OR2T11: variants seen among roughly 807,000 people sequenced by gnomAD.
The protein encoded by OR2T11 is olfactory receptor 2T11.
A neutral mutation model predicts 13.5 loss-of-function variants in OR2T11; 14 were observed. The observed-to-expected ratio is 1.04, with a 90% CI of 0.69 to 1.62. The LOEUF is 1.62. Ranked by LOEUF, OR2T11 falls within the 40% of genes most tolerant of loss-of-function variation. The pLI, the probability that OR2T11 is intolerant of heterozygous loss-of-function variation, is 0.00. For synonymous variants in OR2T11, 163 were observed against 154.6 expected (o/e 1.05, Z -0.40); for missense variants, 410 against 389.7 (o/e 1.05, Z -0.44).
intron 1 of OR2T11, among the ~76,000 whole-genome samples, chr1:248,633,858 C>T (rs1337658210): frequency 6.9e-6 from 1 of 143,942 alleles, no homozygotes; most frequent in Admixed American, 6.8e-5. Context: ...GACTTACCTC[C>T]TGTTTGCTTC....
In OR2T11 at chr1:248,627,198, G is replaced by GT; in HGVS notation, c.-71dup. The GT allele has an allele frequency of 1.1e-6, 1 of 902,432 alleles. No homozygotes were observed. The highest frequency in any genetic ancestry group is 2.0e-5 in the Admixed American group (1 of 49,472). The allele number at this position is 902,432 out of a possible 1,614,324, so 55.9% of individuals were successfully genotyped here. On this transcript the variant is annotated 5_prime_UTR_variant, in exon 2 of 2. Coordinates refer to ENST00000641193, the MANE Select transcript of OR2T11 (RefSeq NM_001001964.2). Reference sequence around the variant, plus strand: ...ACCAGGAAGGAGGCAAGAGAACACGGTCAAGATGGGAAAGGTCTGCAGTAG... The same window carrying GT: ...ACCAGGAAGGAGGCAAGAGAACACGGTTCAAGATGGGAAAGGTCTGCAGTAG...
chr1:248,631,165 ATAT>A (rs1660607713), intron 1 of OR2T11, among the ~76,000 whole-genome samples: 2 of 143,630 alleles, frequency 1.4e-5, no homozygotes, highest in South Asian at 4.4e-4. Context: ...CCAGGCTGTG[ATAT>A]TATGAACTTT....
chr1:248,631,295 G>A (rs2103103448), intron 1 of OR2T11, among the ~76,000 whole-genome samples: 1 of 143,674 alleles, frequency 7.0e-6, no homozygotes, highest in African/African-American at 2.7e-5. Context: ...CACTTGTGTA[G>A]TGCTTCTTGC....
chr1:248,633,735 G>A (rs1660646590), intron 1 of OR2T11, among the ~76,000 whole-genome samples: 1 of 142,612 alleles, frequency 7.0e-6, no homozygotes, highest in African/African-American at 2.8e-5. Context: ...GGAAATCCAG[G>A]GAAAGAACAA....
intron 1 of OR2T11, 91 bp from the exon 2 acceptor site, chr1:248,627,363 G>A (rs1340817785): frequency 2.2e-5 from 11 of 502,692 alleles, no homozygotes; most frequent in East Asian, 3.4e-5. Context: ...TCTATATTGC[G>A]TCTATGGTTC....
rs369150666 is a variant in OR2T11 at position 248,626,317 on chromosome 1, A to G, written c.812T>C (p.Val271Ala). 3.2e-6 allele frequency: 5 copies of G among 1,572,004 alleles called. 1 individual carries two copies. The African/African-American group carries it at 7.5e-5, about 23-fold the overall frequency. Residue 271 changes from valine (V) to alanine (A), a missense_variant, in exon 2 of 2, where the codon GTG (valine) becomes GCG (alanine). By Grantham distance (64) the Val-to-Ala change is moderately conservative. Transcript: ENST00000641193. ...SFHTPEQDKV[V>A]SAFYTIVTPM... ...CGTGACAATGGTATAGAAGGCTGAC[A>G]CTACTTTGTCCTGCTCGGGGGTGTG...
In OR2T11 at chr1:248,626,128, G is replaced by A; in HGVS notation, c.*50C>T. 1 of 1,024,766 alleles carries A rather than the reference G, an allele frequency of 9.8e-7. No homozygotes were observed. Among genetic ancestry groups the A allele is most frequent in the Non-Finnish European group, 1.5e-6 (1 of 674,888 alleles). 63.5% of individuals were successfully genotyped at this position (1,024,766 alleles called of 1,614,324 possible). The stretch of plus-strand genomic sequence containing the variant: ...GAGCAGATCATCTCCAGGGAAACAG[G>A]GCAAATGGAGGAAGTCCTTAGGAAG... On this transcript the variant is annotated 3_prime_UTR_variant, in exon 2 of 2. Coordinates refer to ENST00000641193, the MANE Select transcript of OR2T11 (RefSeq NM_001001964.2).
In OR2T11 at chr1:248,627,810, T is replaced by TA. The variant is rs887482266; in HGVS notation, c.-144-539dup. Among the ~76,000 whole-genome samples the TA allele has an allele frequency of 2.8e-5, 4 of 142,760 alleles. 1 individual carries two copies. The highest frequency in any genetic ancestry group is 4.5e-5 in the Non-Finnish European group (3 of 66,118). 93.7% of individuals were successfully genotyped at this position (142,760 alleles called of 152,430 possible). ...CACCCCTCGCTCCGCTTTCACCCCC[T>TA]ACTCTTCCAAGCCTTCGATGCCTAT... On this transcript the variant is annotated intron_variant, in intron 1 of 1. Transcript: ENST00000641193.
At position 248,626,455 on chromosome 1, in the gene OR2T11, A is replaced by T. The variant is rs1660521006; in HGVS notation, c.674T>A (p.Met225Lys). 6.4e-7 allele frequency: 1 copy of T among 1,572,756 alleles called. No homozygotes were observed. Among genetic ancestry groups the T allele is most frequent in the Non-Finnish European group, 8.6e-7 (1 of 1,156,564 alleles). Residue 225 changes from methionine (M) to lysine (K), a missense_variant, in exon 2 of 2, where the codon ATG becomes AAG. Met to Lys is a moderately conservative substitution (Grantham distance 95). Transcript: ENST00000641193. Reference protein sequence around the residue: ...YSLILLTIHRMPSAEGRKKAF... With the variant: ...YSLILLTIHRKPSAEGRKKAF... ...CTTTTTGCGACCTTCAGCAGAGGGC[A>T]TGCGGTGGATGGTTAACAAGATGAG...
intron 1 of OR2T11, among the ~76,000 whole-genome samples, chr1:248,629,121 A>G (rs1660567309): frequency 7.0e-6 from 1 of 143,518 alleles, no homozygotes; most frequent in African/African-American, 2.7e-5. Context: ...AAACAGTAAA[A>G]ACAGGCCAGG....
rs765969470 is a variant in OR2T11, at chr1:248,626,929, T to C, written c.200A>G (p.Asp67Gly). The C allele has an allele frequency of 2.5e-6, 4 of 1,570,892 alleles. 1 individual carries two copies. The highest frequency in any genetic ancestry group is 1.7e-6 in the Non-Finnish European group (2 of 1,155,092). ...GACAGTGGTACAGATGAAAAGGGTG[T>C]CCATGATGGACAGCTGACTGAGCAG... is the stretch of plus-strand genomic sequence containing the variant. ...YFLLSQLSIM[D>G]TLFICTTVPK... The change falls in exon 2 of 2, where the codon GAC becomes GGC. Residue 67 changes from aspartate (D) to glycine (G), a missense_variant. Coordinates refer to ENST00000641193, the MANE Select transcript of OR2T11 (RefSeq NM_001001964.2).
rs767231694 is a variant in OR2T11 at position 248,626,295 on chromosome 1, G to A, written c.834C>T (p.Val278=). The A allele has an allele frequency of 3.2e-6, 5 of 1,568,678 alleles. No individual in the cohort carries two copies. The South Asian group carries it at 3.4e-5, about 11-fold the overall frequency. ...DKVVSAFYTI[V]TPMLNPLIYS... is the part of the protein sequence containing the mutation. ...AGATGAGAGGATTAAGCATGGGCGT[G>A]ACAATGGTATAGAAGGCTGACACTA... Residue 278 remains valine, a synonymous_variant, in exon 2 of 2, where the codon GTC becomes GTT. Transcript: ENST00000641193.
At chr1:248,633,776 C>T (rs1272224632) in intron 1 of OR2T11, among the ~76,000 whole-genome samples, 2 of 143,450 alleles carry the variant, frequency 1.4e-5, no homozygotes, top group Non-Finnish European at 3.0e-5. Flanking sequence ...ATATGTAATC[C>T]TAAACTTTGC....
In OR2T11 at chr1:248,626,791, C is replaced by T. The variant is rs1236186561; in HGVS notation, c.338G>A (p.Gly113Asp). 4.5e-6 allele frequency: 7 copies of T among 1,569,150 alleles called. 2 individuals carry two copies. The Admixed American group carries it at 1.2e-4, about 27-fold the overall frequency. The change falls in exon 2 of 2, where the codon GGC (glycine) becomes GAC (aspartate). Residue 113 changes from glycine to aspartate, a missense_variant. Physicochemically the swap from Gly to Asp is moderately conservative, Grantham distance 94 (BLOSUM62 -1). Coordinates refer to ENST00000641193, the MANE Select transcript of OR2T11 (RefSeq NM_001001964.2). ...CACGTAGCAGTCATAGGCCATGAGGCCCAGGAGGAAGAACTCAGAACCAAT... is the reference window on the plus strand; with the variant it reads ...CACGTAGCAGTCATAGGCCATGAGGTCCAGGAGGAAGAACTCAGAACCAAT... Reference protein sequence around the residue: ...TMIGSEFFLLGLMAYDCYVAV... With the variant: ...TMIGSEFFLLDLMAYDCYVAV...
chr1:248,630,089 A>G (rs1393040574), intron 1 of OR2T11, among the ~76,000 whole-genome samples: 1 of 103,612 alleles, frequency 9.7e-6, no homozygotes, highest in African/African-American at 3.7e-5. Flanking sequence ...TTTTAAACAC[A>G]TTCAGCTAGC....
Position 248,626,854 on chromosome 1 carries a change from A to G in OR2T11, c.275T>C (p.Val92Ala). 6 of 1,572,048 alleles carry G rather than the reference A, an allele frequency of 3.8e-6. 2 individuals are homozygous for G. Among genetic ancestry groups the G allele is most frequent in the Non-Finnish European group, 5.2e-6 (6 of 1,155,962 alleles). ...GAGGAAGATCTGGATGCCACAGGCC[A>G]CAAAGGAAATGATCTTCTCTTTAGA... ...MVSKEKIISFVACGIQIFLYL... is the reference protein window; with the variant it reads ...MVSKEKIISFAACGIQIFLYL... The change falls in exon 2 of 2, where the codon GTG becomes GCG. Residue 92 changes from valine to alanine, a missense_variant. Coordinates refer to ENST00000641193, the MANE Select transcript of OR2T11 (RefSeq NM_001001964.2).
In OR2T11 at chr1:248,626,173, ACT is replaced by A. The variant is rs370634669; in HGVS notation, c.*3_*4del. The A allele has an allele frequency of 2.5e-4, 356 of 1,420,584 alleles. 62 individuals carry two copies. In the African/African-American group the frequency reaches 4.8e-3, roughly 19 times the overall value. 88.0% of individuals were successfully genotyped at this position (1,420,584 alleles called of 1,614,324 possible). On this transcript the variant is annotated 3_prime_UTR_variant, in exon 2 of 2. Transcript: ENST00000641193. ...AGGAAGCCTTATCCTCTGGGCAGTG[ACT>A]CTCTAAGCATCACTTGTTGCTACTT...
chr1:248,628,057 A>G (rs1660548304), intron 1 of OR2T11, among the ~76,000 whole-genome samples: 1 of 143,432 alleles, frequency 7.0e-6, no homozygotes, highest in South Asian at 2.2e-4. Flanking sequence ...AGGGAAATTA[A>G]AGGAAAATGT....
In OR2T11 at chr1:248,628,836, C is replaced by T. The variant is rs1007400113; in HGVS notation, c.-144-1564G>A. On this transcript the variant is annotated intron_variant, in intron 1 of 1. Coordinates refer to ENST00000641193, the MANE Select transcript of OR2T11 (RefSeq NM_001001964.2). ...AAGGACTGTGGCCTCCTCTGTCAGG[C>T]CTCCCAGAAATACTCCGTGGTCAAA... Among the ~76,000 whole-genome samples the T allele has an allele frequency of 1.2e-4, 17 of 142,984 alleles. 2 individuals are homozygous for T. Among genetic ancestry groups the T allele is most frequent in the African/African-American group, 4.4e-4 (16 of 36,234 alleles). 93.8% of individuals were successfully genotyped at this position (142,984 alleles called of 152,430 possible). A position where few individuals can be genotyped will look rare whatever the true frequency, so the allele number is the denominator to read the frequency against.
Sources: gnomAD v4.1 joint callset for allele counts (sites outside exome capture counted in the v4.1 genomes callset) on GRCh38, gnomAD v4.1.1 for gene constraint, MANE v1.5 for transcripts, NCBI Gene and HGNC (gene_info 2026-07-23, HGNC 2026-07-21) for gene names.